The following CHST11 variants were observed in gnomAD, a reference collection of about 807,000 sequenced individuals.
The protein encoded by CHST11 is carbohydrate sulfotransferase 11, also known as C4S-1.
In CHST11, 9 loss-of-function variants were observed where a neutral mutation model predicts 30.4. The observed-to-expected ratio is 0.30, with a 90% confidence interval of 0.18 to 0.52. CHST11 has a LOEUF of 0.52. CHST11 is among the 20% of genes least tolerant of loss of function. The pLI is 0.97. For synonymous variants in CHST11, 152 were observed against 187.8 expected, an observed-to-expected ratio of 0.81 and a Z score of 1.56; for missense variants, 348 against 460.6, an observed-to-expected ratio of 0.76 and a Z score of 2.24.
chr12:104,487,070 G>T (rs1209375326), intron 1 of CHST11, among the ~76,000 whole-genome samples: 1 of 152,142 alleles, frequency 6.6e-6, no homozygotes, highest in Non-Finnish European at 1.5e-5. Flanking sequence ...TATAAATGAA[G>T]AACACAGGCT....
rs150582369 is a variant in CHST11 at position 104,525,050 on chromosome 12, A to G, written c.118+67521A>G. Among the ~76,000 whole-genome samples, 751 of 152,216 alleles carry G rather than the reference A, an allele frequency of 4.9e-3. 7 individuals carry two copies. Among genetic ancestry groups the G allele is most frequent in the African/African-American group, 0.017 (716 of 41,526 alleles). ...AAATGACAATCCAGAAAAAAGATCA[A>G]ATCTTATGACTGTAATTTATTAAGG... is the stretch of plus-strand genomic sequence containing the variant. On this transcript the variant is annotated intron_variant, in intron 1 of 2. Transcript: ENST00000303694.
chr12:104,742,420 C>T (rs540167906), intron 2 of CHST11, among the ~76,000 whole-genome samples: 21 of 152,236 alleles, frequency 1.4e-4, no homozygotes, highest in African/African-American at 4.3e-4. Context: ...TGGACCCATG[C>T]TCCTCCTCCC....
At chr12:104,719,525 A>G (rs913697513) in intron 2 of CHST11, among the ~76,000 whole-genome samples, 3 of 152,224 alleles carry the variant, frequency 2.0e-5, no homozygotes. Flanking sequence ...GCTTCCTGCC[A>G]TTAATTGGAG....
intron 1 of CHST11, among the ~76,000 whole-genome samples, chr12:104,477,334 G>A (rs1051998852): frequency 1.1e-4 from 16 of 152,190 alleles, no homozygotes; most frequent in South Asian, 4.1e-4. Context: ...GGTGGAGCTC[G>A]GATGCCCTGG....
chr12:104,565,931 G>A lies in CHST11; in HGVS notation c.119-35975G>A, dbSNP rs562436379. 1.8e-3 allele frequency among the ~76,000 whole-genome samples: 277 copies of A among 152,312 alleles called. 1 individual carries two copies. Among genetic ancestry groups the A allele is most frequent in the African/African-American group, 6.1e-3 (252 of 41,558 alleles). On this transcript the variant is annotated intron_variant, in intron 1 of 2. Coordinates refer to ENST00000303694, the MANE Select transcript of CHST11 (RefSeq NM_018413.6). ...TGAGAAGTTGGGACAGAACCTGCAGGCGTGTGCTTACCACGTTTCTTGGGA... is the reference window on the plus strand; with the variant it reads ...TGAGAAGTTGGGACAGAACCTGCAGACGTGTGCTTACCACGTTTCTTGGGA...
intron 2 of CHST11, among the ~76,000 whole-genome samples, chr12:104,738,543 T>C (rs576270576): frequency 4.0e-4 from 61 of 152,306 alleles, no homozygotes; most frequent in African/African-American, 1.2e-3. Context: ...CCTGACTTCA[T>C]CCTCACACCC....
intron 2 of CHST11, among the ~76,000 whole-genome samples, chr12:104,723,468 G>A (rs1323983014): frequency 1.3e-5 from 2 of 152,134 alleles, no homozygotes; most frequent in Non-Finnish European, 2.9e-5. Flanking sequence ...GAGAATTTGC[G>A]CTCCCCTTTC....
At chr12:104,726,495 A>G (rs1030296642) in intron 2 of CHST11, among the ~76,000 whole-genome samples, 3 of 152,202 alleles carry the variant, frequency 2.0e-5, no homozygotes, top group Admixed American at 2.0e-4. Context: ...CAAACTAAAA[A>G]TAGACTCTTT....
intron 1 of CHST11, among the ~76,000 whole-genome samples, chr12:104,558,538 T>TCCCCACCCCCCCCC (rs2038481136): frequency 8.5e-6 from 1 of 117,764 alleles, no homozygotes; most frequent in Admixed American, 9.4e-5. Context: ...CAGCAGAAAT[T>TCCCCACCCCCCCCC]CCCCCCCCCG....
chr12:104,738,105 A>G (rs185395671), intron 2 of CHST11, among the ~76,000 whole-genome samples: 2 of 152,206 alleles, frequency 1.3e-5, no homozygotes, highest in Admixed American at 1.3e-4. Flanking sequence ...CGGTGTAATT[A>G]TGTCTGCTAC....
At chr12:104,572,080 G>T (rs1232847162) in intron 1 of CHST11, among the ~76,000 whole-genome samples, 1 of 151,884 alleles carries the variant, frequency 6.6e-6, no homozygotes, top group Non-Finnish European at 1.5e-5. Context: ...GATCATGGTG[G>T]ATAAGCTTTT....
chr12:104,573,498 G>C (rs2038650897), intron 1 of CHST11, among the ~76,000 whole-genome samples: 1 of 152,122 alleles, frequency 6.6e-6, no homozygotes, highest in South Asian at 2.1e-4. Context: ...CATGGTGCTG[G>C]TACCAAAACA....
intron 2 of CHST11, among the ~76,000 whole-genome samples, chr12:104,680,091 G>A (rs1157135927): frequency 2.0e-5 from 3 of 152,218 alleles, no homozygotes; most frequent in Non-Finnish European, 2.9e-5. Context: ...TGTGTGCAGG[G>A]GTTTTGGGCT....
At chr12:104,504,911 CA>C (rs1221817209) in intron 1 of CHST11, among the ~76,000 whole-genome samples, 1 of 152,138 alleles carries the variant, frequency 6.6e-6, no homozygotes. Context: ...AAATGACTCC[CA>C]GGTGATCCTC....
chr12:104,639,899 C>T (rs1178242619), intron 2 of CHST11, among the ~76,000 whole-genome samples: 2 of 151,768 alleles, frequency 1.3e-5, no homozygotes, highest in Non-Finnish European at 2.9e-5. Context: ...AACAAACAGC[C>T]CAGTTAAAAA....
At chr12:104,599,315 C>T (rs891489788) in intron 1 of CHST11, among the ~76,000 whole-genome samples, 1 of 152,170 alleles carries the variant, frequency 6.6e-6, no homozygotes, top group Non-Finnish European at 1.5e-5. Context: ...ATACTGCCCC[C>T]CATAAAAGCA....
chr12:104,686,364 A>T (rs903311205), intron 2 of CHST11, among the ~76,000 whole-genome samples: 4 of 152,204 alleles, frequency 2.6e-5, no homozygotes, highest in African/African-American at 9.6e-5. Context: ...AATGTGGGAC[A>T]GCTGTGCTCT....
chr12:104,683,612 C>G (rs1015275308), intron 2 of CHST11, among the ~76,000 whole-genome samples: 1 of 152,222 alleles, frequency 6.6e-6, no homozygotes, highest in African/African-American at 2.4e-5. Flanking sequence ...CACCCCAGAA[C>G]TGATCACTCT....
intron 2 of CHST11, among the ~76,000 whole-genome samples, chr12:104,738,276 C>T (rs778077522): frequency 3.9e-5 from 6 of 152,196 alleles, no homozygotes; most frequent in Non-Finnish European, 8.8e-5. Context: ...CTTTGAGGTT[C>T]GCAGAGGTGC....
Sources: allele counts gnomAD v4.1 joint callset (sites outside exome capture counted in the v4.1 genomes callset), GRCh38; gene constraint gnomAD v4.1.1; transcripts MANE v1.5; gene names NCBI Gene and HGNC (gene_info 2026-07-23, HGNC 2026-07-21).